The following KCNK3 variants were observed in gnomAD, a reference collection of about 807,000 sequenced individuals.
KCNK3 encodes potassium channel subfamily K member 3.
In KCNK3, 9 loss-of-function variants were observed where a neutral mutation model predicts 27.3. The observed-to-expected ratio is 0.33, with a 90% CI of 0.20 to 0.57. KCNK3 has a LOEUF of 0.57. KCNK3 is among the 20% of genes least tolerant of loss of function. KCNK3 has a pLI of 0.87. For missense variants in KCNK3, 391 were observed against 577.7 expected, an observed-to-expected ratio of 0.68 and a Z score of 3.31; for synonymous variants, 278 against 273.8, an observed-to-expected ratio of 1.02 and a Z score of -0.15.
intron 1 of KCNK3, among the ~76,000 whole-genome samples, chr2:26,718,289 C>A (rs1663267649): frequency 1.3e-5 from 2 of 152,168 alleles, no homozygotes; most frequent in East Asian, 3.9e-4. Flanking sequence ...ATCCATGGCT[C>A]CTCATTGCCT....
In KCNK3 at chr2:26,708,611, G is replaced by A. The variant is rs906384570; in HGVS notation, c.283+15453G>A. Among the ~76,000 whole-genome samples the A allele has an allele frequency of 4.6e-5, 7 of 152,172 alleles. No individual in the cohort carries two copies. In the South Asian group the frequency reaches 1.0e-3, roughly 23 times the overall value. ...TAAGAAGCTCTTGAACCTGGGAGGCGGAGGTTGCAGCGAGCCGAGATCGCG... is the reference window on the plus strand; with the variant it reads ...TAAGAAGCTCTTGAACCTGGGAGGCAGAGGTTGCAGCGAGCCGAGATCGCG... On this transcript the variant is annotated intron_variant, in intron 1 of 1. Coordinates refer to ENST00000302909, the MANE Select transcript of KCNK3 (RefSeq NM_002246.3).
At chr2:26,714,756 C>G (rs1484666491) in intron 1 of KCNK3, among the ~76,000 whole-genome samples, 1 of 151,638 alleles carries the variant, frequency 6.6e-6, no homozygotes, top group East Asian at 2.0e-4. Context: ...AGTGGTGGCA[C>G]ACACCTGTAA....
At chr2:26,694,240 G>T (rs1380241256) in intron 1 of KCNK3, among the ~76,000 whole-genome samples, 1 of 152,110 alleles carries the variant, frequency 6.6e-6, no homozygotes, top group Admixed American at 6.5e-5. Flanking sequence ...CCCCAGCCCC[G>T]ACGTGCTTGG....
At chr2:26,722,422 T>G (rs980263103) in intron 1 of KCNK3, among the ~76,000 whole-genome samples, 2 of 152,250 alleles carry the variant, frequency 1.3e-5, no homozygotes, top group Non-Finnish European at 2.9e-5. Context: ...CTAAGCATGT[T>G]AAGTCTATGA....
Position 26,701,603 on chromosome 2 carries a change from A to G in KCNK3, c.283+8445A>G, listed in dbSNP as rs59461598. ...GCCTGTCTTAGTTTGGGCTGCTATC[A>G]TAAATTACTGTAGACTGGGGGCTTG... On this transcript the variant is annotated intron_variant, in intron 1 of 1. Coordinates refer to ENST00000302909, the MANE Select transcript of KCNK3 (RefSeq NM_002246.3). Among the ~76,000 whole-genome samples, 307 of 152,362 alleles carry G rather than the reference A, an allele frequency of 2.0e-3. 2 individuals are homozygous for G. The highest frequency in any genetic ancestry group is 7.1e-3 in the African/African-American group (297 of 41,580).
intron 1 of KCNK3, among the ~76,000 whole-genome samples, chr2:26,709,785 T>C (rs1175431491): frequency 6.6e-6 from 1 of 152,078 alleles, no homozygotes; most frequent in Non-Finnish European, 1.5e-5. Context: ...CTCAAGCAAA[T>C]GAGGCCTGAG....
At chr2:26,723,284 C>T (rs948675161) in intron 1 of KCNK3, among the ~76,000 whole-genome samples, 1 of 152,230 alleles carries the variant, frequency 6.6e-6, no homozygotes, top group Non-Finnish European at 1.5e-5. Flanking sequence ...ATCCCCACCC[C>T]GCATCTCCCT....
At chr2:26,715,143 C>T (rs895667290) in intron 1 of KCNK3, among the ~76,000 whole-genome samples, 1 of 152,232 alleles carries the variant, frequency 6.6e-6, no homozygotes, top group African/African-American at 2.4e-5. Context: ...GAGCTTGTCC[C>T]CTGGCTCAGA....
In KCNK3 at chr2:26,728,184, C is replaced by G; in HGVS notation, c.801C>G (p.Asn267Lys). 1 of 1,567,238 alleles carries G rather than the reference C, an allele frequency of 6.4e-7. No individual in the cohort carries two copies. Among genetic ancestry groups the G allele is most frequent in the African/African-American group, 1.4e-5 (1 of 73,808 alleles). ...AGCACCGCGCGCTGCTCACGCGCAACGGGCAGGCGGGCGGCGGCGGAGGGG... is the reference window on the plus strand; with the variant it reads ...AGCACCGCGCGCTGCTCACGCGCAAGGGGCAGGCGGGCGGCGGCGGAGGGG... ...DAEHRALLTR[N>K]GQAGGGGGGG... Residue 267 changes from asparagine to lysine, a missense_variant, in exon 2 of 2, where the codon AAC (asparagine) becomes AAG (lysine). Asn to Lys is a moderately conservative substitution (Grantham distance 94). Transcript: ENST00000302909.
chr2:26,709,868 G>A (rs1394569605), intron 1 of KCNK3, among the ~76,000 whole-genome samples: 4 of 152,160 alleles, frequency 2.6e-5, no homozygotes, highest in Admixed American at 1.3e-4. Flanking sequence ...CAAAGCCCCC[G>A]CTCTTCCTCA....
chr2:26,727,556 C>A (rs1243912531), intron 1 of KCNK3, 111 bp from the exon 2 acceptor site: 6 of 1,433,208 alleles, frequency 4.2e-6, no homozygotes, highest in Middle Eastern at 2.6e-4. Flanking sequence ...CACTGTGGAC[C>A]CAGACCCACA....
intron 1 of KCNK3, among the ~76,000 whole-genome samples, chr2:26,696,563 C>T (rs765695857): frequency 6.6e-6 from 1 of 152,206 alleles, no homozygotes; most frequent in Non-Finnish European, 1.5e-5. Flanking sequence ...TCACCGTCTC[C>T]ACTGGCTGGA....
At chr2:26,702,826 G>A (rs1041490586) in intron 1 of KCNK3, among the ~76,000 whole-genome samples, 1 of 152,064 alleles carries the variant, frequency 6.6e-6, no homozygotes, top group Non-Finnish European at 1.5e-5. Flanking sequence ...ATCAATAAGG[G>A]CAGGCTGGGT....
chr2:26,710,331 G>A (rs1663084974), intron 1 of KCNK3, among the ~76,000 whole-genome samples: 2 of 152,354 alleles, frequency 1.3e-5, no homozygotes, highest in South Asian at 4.1e-4. Context: ...CCAGGAGCGA[G>A]CTGGCAGGGC....
chr2:26,699,030 T>C (rs921435890), intron 1 of KCNK3, among the ~76,000 whole-genome samples: 1 of 151,694 alleles, frequency 6.6e-6, no homozygotes, highest in African/African-American at 2.4e-5. Context: ...ATACAAAACT[T>C]AGCCGGGCAT....
chr2:26,719,933 C>T (rs1348990958), intron 1 of KCNK3, among the ~76,000 whole-genome samples: 1 of 152,180 alleles, frequency 6.6e-6, no homozygotes, highest in African/African-American at 2.4e-5. Flanking sequence ...TGGGCTAGTC[C>T]CTGCTCCTCT....
chr2:26,718,459 T>C (rs968882011), intron 1 of KCNK3, among the ~76,000 whole-genome samples: 3 of 152,238 alleles, frequency 2.0e-5, no homozygotes, highest in African/African-American at 7.2e-5. Context: ...CGTTTTCTAC[T>C]TACAAAAGTA....
chr2:26,705,331 A>G (rs759921855), intron 1 of KCNK3, among the ~76,000 whole-genome samples: 1 of 152,150 alleles, frequency 6.6e-6, no homozygotes, highest in Admixed American at 6.5e-5. Flanking sequence ...GATGTGTCCA[A>G]AGTCATGCAG....
At chr2:26,701,024 C>G (rs1238791829) in intron 1 of KCNK3, among the ~76,000 whole-genome samples, 2 of 152,204 alleles carry the variant, frequency 1.3e-5, no homozygotes, top group Non-Finnish European at 2.9e-5. Flanking sequence ...TCTGAATCAG[C>G]AGGTCTGGGG....
Sources: allele counts gnomAD v4.1 joint callset (sites outside exome capture counted in the v4.1 genomes callset), GRCh38; gene constraint gnomAD v4.1.1; transcripts MANE v1.5; gene names NCBI Gene and HGNC (gene_info 2026-07-23, HGNC 2026-07-21).